TNR: variants seen among roughly 807,000 people sequenced by gnomAD.
TNR encodes tenascin-R.
A neutral mutation model predicts 150.4 loss-of-function variants in TNR; 45 were observed. That is an observed-to-expected ratio of 0.30 (90% CI 0.24 to 0.38). The LOEUF is 0.38. Ranked by LOEUF, TNR falls within the 10% of genes least tolerant of loss-of-function variation. The pLI, the probability that TNR is intolerant of heterozygous loss-of-function variation, is 1.00. For synonymous variants in TNR, 687 were observed against 678.4 expected (o/e 1.01, Z -0.20); for missense variants, 1,544 against 1,759.1 (o/e 0.88, Z 2.19).
At chr1:175,592,317 A>G (rs1662831949) in intron 1 of TNR, among the ~76,000 whole-genome samples, 2 of 152,174 alleles carry the variant, frequency 1.3e-5, no homozygotes, top group Admixed American at 1.3e-4. Context: ...GCACCTCTCT[A>G]CTCTGATGCA....
chr1:175,671,432 C>A (rs1029767573), intron 1 of TNR, among the ~76,000 whole-genome samples: 1 of 152,162 alleles, frequency 6.6e-6, no homozygotes, highest in Non-Finnish European at 1.5e-5. Context: ...CTGCCCTGAC[C>A]CTTTCTGGGT....
At chr1:175,394,015 A>G (rs1653303238) in intron 5 of TNR, 120 bp from the exon 6 acceptor site, 1 of 763,430 alleles carries the variant, frequency 1.3e-6, no homozygotes, top group Non-Finnish European at 2.2e-6. Flanking sequence ...TCTGGTGGAC[A>G]ATCCCAATCT....
In TNR at chr1:175,331,099, TTCTCTCTC is replaced by T. The variant is rs202149296; in HGVS notation, c.3632-872_3632-865del. On this transcript the variant is annotated intron_variant, in intron 20 of 22. Transcript: ENST00000367674. ...TTTCCTTCTTTCTTTCTTTCTTTCT[TTCTCTCTC>T]TCTTTCTTTTCTTTCTTTCTTTCTT... Among the ~76,000 whole-genome samples, 144 of 106,374 alleles carry T rather than the reference TTCTCTCTC, an allele frequency of 1.4e-3. 1 individual carries two copies. Among genetic ancestry groups the T allele is most frequent in the Middle Eastern group, 4.9e-3 (1 of 204 alleles). The allele number at this position is 106,374 out of a possible 152,430, so 69.8% of individuals were successfully genotyped here.
Position 175,403,253 on chromosome 1 carries a change from A to T in TNR, c.863T>A (p.Val288Asp). ...CTGCCGCTGGCCGCAGTCCTCACCA[A>T]CGTAGCCCTCCTCGCATAAACAGGT... ...NGTCLCEEGY[V>D]GEDCGQRQCL... The change falls in exon 4 of 23, where the codon GTT (valine) becomes GAT (aspartate). Residue 288 changes from valine (V) to aspartate (D), a missense_variant. Around this residue, in one of 2 missense-constraint regions of TNR, gnomAD observed 1,254 missense variants for 1,329.4 expected, o/e 0.94. Coordinates refer to ENST00000367674, the MANE Select transcript of TNR (RefSeq NM_003285.3). The T allele has an allele frequency of 6.2e-7, 1 of 1,613,782 alleles. No homozygotes were observed. Among genetic ancestry groups the T allele is most frequent in the Middle Eastern group, 1.6e-4 (1 of 6,062 alleles).
chr1:175,431,614 G>A (rs1186631937), intron 2 of TNR, among the ~76,000 whole-genome samples: 2 of 151,382 alleles, frequency 1.3e-5, no homozygotes, highest in Admixed American at 1.3e-4. Context: ...AGGTGGCCAG[G>A]AAAGCTTCCA....
Position 175,403,408 on chromosome 1 carries a change from T to G in TNR, c.708A>C (p.Pro236=). 1 of 1,614,162 alleles carries G rather than the reference T, an allele frequency of 6.2e-7. No individual in the cohort carries two copies. The highest frequency in any genetic ancestry group is 8.5e-7 in the Non-Finnish European group (1 of 1,180,032). Residue 236 remains proline (P), a synonymous_variant, in exon 4 of 23, where the codon CCA becomes CCC. Coordinates refer to ENST00000367674, the MANE Select transcript of TNR (RefSeq NM_003285.3). The part of the protein sequence containing the change: ...SGDDCSELRC[P]TDCSSRGLCV... ...AGAGCCCCCGGGAGCTGCAGTCTGT[T>G]GGGCACCGGAGTTCGGAACAGTCAT...
At chr1:175,439,897 A>G (rs951351309) in intron 2 of TNR, among the ~76,000 whole-genome samples, 14 of 152,208 alleles carry the variant, frequency 9.2e-5, no homozygotes, top group African/African-American at 3.1e-4. Context: ...GAGGATGTGG[A>G]GAAATAGGAA....
At chr1:175,400,865 T>C (rs1653675388) in intron 4 of TNR, among the ~76,000 whole-genome samples, 1 of 152,140 alleles carries the variant, frequency 6.6e-6, no homozygotes. Context: ...AGGAGCACTT[T>C]AGATAATGAC....
intron 2 of TNR, among the ~76,000 whole-genome samples, chr1:175,434,066 G>A (rs1314707759): frequency 6.6e-6 from 1 of 152,184 alleles, no homozygotes; most frequent in African/African-American, 2.4e-5. Context: ...TTCTTGCAAA[G>A]TGTCTCAGTG....
rs1557868370 is a variant in TNR at position 175,331,118 on chromosome 1, C to CTCTCTCTCTTTCT, written c.3632-884_3632-883insAGAAAGAGAGAGA. Among the ~76,000 whole-genome samples the CTCTCTCTCTTTCT allele has an allele frequency of 6.3e-4, 68 of 107,228 alleles. 6 individuals are homozygous for CTCTCTCTCTTTCT. The highest frequency in any genetic ancestry group is 2.3e-3 in the African/African-American group (54 of 23,132). 70.3% of individuals were successfully genotyped at this position (107,228 alleles called of 152,430 possible). On this transcript the variant is annotated intron_variant, in intron 20 of 22. Transcript: ENST00000367674. ...CTTTCTTTCTCTCTCTCTTTCTTTTCTTTCTTTCTTTCTTTTCTTTCTTTC... is the reference window on the plus strand; with the variant it reads ...CTTTCTTTCTCTCTCTCTTTCTTTTCTCTCTCTCTTTCTTTTCTTTCTTTCTTTTCTTTCTTTC...
intron 1 of TNR, among the ~76,000 whole-genome samples, chr1:175,709,014 G>A (rs1034910442): frequency 7.6e-5 from 11 of 144,726 alleles, no homozygotes; most frequent in African/African-American, 1.1e-4. Flanking sequence ...TAATCCTCAC[G>A]ACAGCTCCAT....
chr1:175,688,172 C>T (rs1477334986), intron 1 of TNR, among the ~76,000 whole-genome samples: 2 of 152,206 alleles, frequency 1.3e-5, no homozygotes, highest in Non-Finnish European at 2.9e-5. Flanking sequence ...GAGCCCTCAG[C>T]TCTGCTGAGT....
intron 2 of TNR, among the ~76,000 whole-genome samples, chr1:175,489,504 G>C (rs1412969762): frequency 6.6e-6 from 1 of 152,214 alleles, no homozygotes; most frequent in Non-Finnish European, 1.5e-5. Context: ...TCCTTCAGAA[G>C]GGCTAAGACT....
At chr1:175,620,553 C>A (rs1227063782) in intron 1 of TNR, among the ~76,000 whole-genome samples, 2 of 152,196 alleles carry the variant, frequency 1.3e-5, no homozygotes, top group African/African-American at 4.8e-5. Context: ...ACAAGCAGAA[C>A]ACAGCCCAAA....
intron 4 of TNR, among the ~76,000 whole-genome samples, chr1:175,401,715 G>A (rs1158236558): frequency 6.6e-6 from 1 of 152,140 alleles, no homozygotes; most frequent in Non-Finnish European, 1.5e-5. Flanking sequence ...GTAGGAGTGA[G>A]TAACTCTGGC....
intron 1 of TNR, among the ~76,000 whole-genome samples, chr1:175,587,601 C>A (rs1662624745): frequency 6.6e-6 from 1 of 152,224 alleles, no homozygotes; most frequent in South Asian, 2.1e-4. Flanking sequence ...GTCAAAGCAA[C>A]AATCAAGGAC....
At chr1:175,459,155 A>G (rs1656705926) in intron 2 of TNR, among the ~76,000 whole-genome samples, 1 of 151,162 alleles carries the variant, frequency 6.6e-6, no homozygotes, top group African/African-American at 2.4e-5. Context: ...CACCACTACC[A>G]CCAACACTAT....
At chr1:175,736,526 A>C (rs1667777476) in intron 1 of TNR, among the ~76,000 whole-genome samples, 1 of 151,822 alleles carries the variant, frequency 6.6e-6, no homozygotes, top group African/African-American at 2.4e-5. Context: ...ATCTCAAAAA[A>C]AAAAAGATGT....
At chr1:175,415,927 TG>T (rs1051990619) in intron 2 of TNR, among the ~76,000 whole-genome samples, 2 of 152,068 alleles carry the variant, frequency 1.3e-5, no homozygotes, top group African/African-American at 4.8e-5. Context: ...ATCTTACTGC[TG>T]GGGGTGGGGG....
Sources: gnomAD v4.1 joint callset for allele counts (sites outside exome capture counted in the v4.1 genomes callset) on GRCh38, gnomAD v4.1.1 for gene constraint, gnomAD v4.1.1 regional missense constraint, MANE v1.5 for transcripts, NCBI Gene and HGNC (gene_info 2026-07-23, HGNC 2026-07-21) for gene names.